The following PPFIBP1 variants were observed in gnomAD, a reference collection of about 807,000 sequenced individuals.
PPFIBP1 encodes the protein liprin-beta-1.
A neutral mutation model predicts 137.8 loss-of-function variants in PPFIBP1; 112 were observed. The observed-to-expected ratio is 0.81, with a 90% CI of 0.70 to 0.95. The LOEUF is 0.95. PPFIBP1 is among the 40% of genes least tolerant of loss of function. The pLI is 0.00. For synonymous variants in PPFIBP1, 378 were observed against 417.3 expected, an observed-to-expected ratio of 0.91 and a Z score of 1.15; for missense variants, 1,083 against 1,196.6, an observed-to-expected ratio of 0.91 and a Z score of 1.40.
intron 1 of PPFIBP1, among the ~76,000 whole-genome samples, chr12:27,542,765 CT>C (rs1945807735): frequency 6.6e-6 from 1 of 152,112 alleles, no homozygotes. Context: ...CTCTCAAATC[CT>C]TATGCTTAGA....
chr12:27,684,770 A>T (rs763674389), intron 24 of PPFIBP1, among the ~76,000 whole-genome samples: 1 of 151,954 alleles, frequency 6.6e-6, no homozygotes, highest in Non-Finnish European at 1.5e-5. Flanking sequence ...AATATATATT[A>T]AAAAGTTTTT....
At chr12:27,623,012 A>G (rs889754850) in intron 2 of PPFIBP1, among the ~76,000 whole-genome samples, 2 of 152,216 alleles carry the variant, frequency 1.3e-5, no homozygotes, top group African/African-American at 4.8e-5. Context: ...CACAACTTTG[A>G]GTAGCTGTTG....
At chr12:27,670,791 A>AT (rs1223053194) in intron 13 of PPFIBP1, among the ~76,000 whole-genome samples, 45 of 138,758 alleles carry the variant, frequency 3.2e-4, no homozygotes, top group African/African-American at 1.2e-3. Context: ...AAAAAAAAAA[A>AT]AAAAATAATA....
intron 17 of PPFIBP1, 35 bp from the exon 18 acceptor site, chr12:27,676,393 T>C (rs773268372): frequency 1.4e-6 from 2 of 1,434,714 alleles, no homozygotes; most frequent in Middle Eastern, 2.2e-4. Context: ...ATGCTGCACC[T>C]GAGAGCTGTT....
chr12:27,683,833 G>T (rs2061030154), intron 24 of PPFIBP1, among the ~76,000 whole-genome samples: 1 of 151,904 alleles, frequency 6.6e-6, no homozygotes, highest in Non-Finnish European at 1.5e-5. Context: ...TGTCGCCCAG[G>T]CTGGAGTGCA....
intron 3 of PPFIBP1, among the ~76,000 whole-genome samples, chr12:27,633,873 T>G (rs902741909): frequency 6.9e-6 from 1 of 144,750 alleles, no homozygotes; most frequent in Admixed American, 7.1e-5. Flanking sequence ...AGTCTCTCTC[T>G]GTTGCCCAGG....
intron 12 of PPFIBP1, 84 bp from the exon 13 acceptor site, chr12:27,667,082 A>G (rs746924091): frequency 1.5e-4 from 200 of 1,324,934 alleles, no homozygotes; most frequent in Non-Finnish European, 1.9e-4. Flanking sequence ...TATATTCGTT[A>G]TAATTGGGAT....
chr12:27,559,726 T>C (rs1363675520), intron 1 of PPFIBP1, among the ~76,000 whole-genome samples: 1 of 152,204 alleles, frequency 6.6e-6, no homozygotes, highest in Non-Finnish European at 1.5e-5. Context: ...CTAATTATAG[T>C]TATACCTCTT....
At chr12:27,550,286 A>G (rs552600103) in intron 1 of PPFIBP1, among the ~76,000 whole-genome samples, 2 of 152,284 alleles carry the variant, frequency 1.3e-5, no homozygotes, top group South Asian at 4.1e-4. Context: ...GGGTGCCCAT[A>G]CATTGTCCCT....
chr12:27,664,697 A>G (rs897082271), intron 12 of PPFIBP1, among the ~76,000 whole-genome samples: 1 of 152,156 alleles, frequency 6.6e-6, no homozygotes, highest in African/African-American at 2.4e-5. Context: ...AGAGAGAGAA[A>G]AACGACAGTA....
chr12:27,528,499 C>G (rs1031299175), intron 1 of PPFIBP1, among the ~76,000 whole-genome samples: 1 of 152,214 alleles, frequency 6.6e-6, no homozygotes, highest in Admixed American at 6.5e-5. Context: ...ATATATGTCA[C>G]TGCCGCAAAA....
intron 24 of PPFIBP1, among the ~76,000 whole-genome samples, chr12:27,683,917 A>C (rs2140419050): frequency 6.6e-6 from 1 of 151,678 alleles, no homozygotes; most frequent in African/African-American, 2.4e-5. Context: ...CCTCCCAAGT[A>C]GCTGGGACTA....
At chr12:27,678,911 A>T (rs1358489344) in intron 19 of PPFIBP1, among the ~76,000 whole-genome samples, 1 of 151,536 alleles carries the variant, frequency 6.6e-6, no homozygotes. Flanking sequence ...CTCTCGGGGA[A>T]ATTGGATGAG....
intron 8 of PPFIBP1, chr12:27,655,138 A>G (rs1284904183): frequency 7.2e-6 from 11 of 1,519,682 alleles, no homozygotes; most frequent in African/African-American, 1.4e-5. Context: ...CTGTCTCTCT[A>G]CCAGTCTTTA....
intron 14 of PPFIBP1, 123 bp from the exon 15 acceptor site, chr12:27,672,304 T>C: frequency 6.7e-6 from 5 of 742,450 alleles, no homozygotes; most frequent in South Asian, 1.7e-5. Flanking sequence ...AAATAGGACA[T>C]TTAAAAAAAT....
intron 1 of PPFIBP1, among the ~76,000 whole-genome samples, chr12:27,574,168 A>G (rs542884187): frequency 1.1e-4 from 17 of 152,164 alleles, no homozygotes; most frequent in Non-Finnish European, 2.2e-4. Flanking sequence ...ATCCCAGAGA[A>G]CTTCAGGAAG....
intron 24 of PPFIBP1, among the ~76,000 whole-genome samples, chr12:27,683,712 T>C (rs1352231115): frequency 6.6e-6 from 1 of 152,250 alleles, no homozygotes; most frequent in African/African-American, 2.4e-5. Context: ...AGGAGAACTT[T>C]GTTTTAGGTT....
Position 27,673,535 on chromosome 12 carries a change from C to T in PPFIBP1, c.1320-232C>T, listed in dbSNP as rs545877842. On this transcript the variant is annotated intron_variant, in intron 15 of 29. Transcript: ENST00000228425. ...AGTCCTAAGTGCTTTTCCAGCTCTT[C>T]TAACATGTGCAGAACAGTTAGAATT... is the stretch of plus-strand genomic sequence containing the variant. Among the ~76,000 whole-genome samples the T allele has an allele frequency of 1.2e-4, 19 of 152,292 alleles. 1 individual carries two copies. In the South Asian group the frequency reaches 3.7e-3, roughly 30 times the overall value.
intron 2 of PPFIBP1, among the ~76,000 whole-genome samples, chr12:27,592,158 G>A (rs2052598213): frequency 6.6e-6 from 1 of 152,216 alleles, no homozygotes; most frequent in African/African-American, 2.4e-5. Flanking sequence ...CCTCACACGG[G>A]AAATAGCCCG....
Sources: allele counts gnomAD v4.1 joint callset (sites outside exome capture counted in the v4.1 genomes callset), GRCh38; gene constraint gnomAD v4.1.1; transcripts MANE v1.5; gene names NCBI Gene and HGNC (gene_info 2026-07-23, HGNC 2026-07-21).